The following HYDIN variants were observed in gnomAD, a reference collection of about 807,000 sequenced individuals.
HYDIN encodes the protein HYDIN axonemal central pair apparatus protein, also known as axonemal central pair apparatus protein HYDIN.
HYDIN carries 132 observed loss-of-function variants against 403.9 expected under a neutral mutation model. The observed-to-expected ratio is 0.33, with a 90% CI of 0.28 to 0.38. The LOEUF is 0.38. Ranked by LOEUF, HYDIN falls within the 10% of genes least tolerant of loss-of-function variation. HYDIN has a pLI of 1.00. For synonymous variants in HYDIN, 1,202 were observed against 1,891.7 expected (o/e 0.64, Z 9.46); for missense variants, 2,827 against 5,009.5 (o/e 0.56, Z 13.15).
intron 45 of HYDIN, among the ~76,000 whole-genome samples, chr16:70,922,421 G>A (rs1308850392): frequency 6.6e-6 from 1 of 152,184 alleles, no homozygotes; most frequent in African/African-American, 2.4e-5. Context: ...ATGATTAATG[G>A]ACTTGGGCAA....
chr16:71,136,449 T>A (rs2084920353), intron 8 of HYDIN, among the ~76,000 whole-genome samples: 1 of 151,868 alleles, frequency 6.6e-6, no homozygotes, highest in African/African-American at 2.4e-5. Context: ...AAATAGATTA[T>A]TTTTAGGAAC....
intron 11 of HYDIN, 31 bp downstream of exon 11, chr16:71,093,786 T>C: frequency 6.2e-7 from 1 of 1,605,538 alleles, no homozygotes; most frequent in Non-Finnish European, 8.5e-7. Context: ...AAGTACTGTT[T>C]GAAGTATCAA....
intron 58 of HYDIN, among the ~76,000 whole-genome samples, chr16:70,884,624 T>TA (rs2041016030): frequency 6.6e-6 from 1 of 151,730 alleles, no homozygotes; most frequent in Admixed American, 6.6e-5. Flanking sequence ...GCTGGAGGTT[T>TA]AAATGAAAGA....
intron 7 of HYDIN, among the ~76,000 whole-genome samples, chr16:71,139,292 C>T (rs1409768735): frequency 6.6e-6 from 1 of 152,024 alleles, no homozygotes; most frequent in Non-Finnish European, 1.5e-5. Context: ...GGGAAAGGTA[C>T]TTGCATCCAA....
At chr16:70,965,635 A>G (rs2078550322) in intron 36 of HYDIN, among the ~76,000 whole-genome samples, 1 of 152,218 alleles carries the variant, frequency 6.6e-6, no homozygotes. Context: ...CTACAACCTG[A>G]TTTATTGGTA....
At chr16:70,919,364 C>A (rs1345267624) in intron 46 of HYDIN, among the ~76,000 whole-genome samples, 2 of 151,946 alleles carry the variant, frequency 1.3e-5, no homozygotes, top group Non-Finnish European at 2.9e-5. Context: ...TTAGCTAAGG[C>A]TGGCCTGAGG....
chr16:70,967,932 G>C (rs1056997973), intron 36 of HYDIN, among the ~76,000 whole-genome samples: 1 of 151,490 alleles, frequency 6.6e-6, no homozygotes, highest in Non-Finnish European at 1.5e-5. Context: ...TTATATCCAT[G>C]ATTTTCAAGA....
Position 70,974,743 on chromosome 16 carries a change from G to A in HYDIN, c.4773-73C>T, listed in dbSNP as rs2078839244. ...TACTTTTCCAAAAGTGAGTGAGTCT[G>A]ATTTTTTTTTTCTACCTCCTGTGCA... On this transcript the variant is annotated intron_variant, in intron 31 of 85. Transcript: ENST00000393567. 5 of 629,886 alleles carry A rather than the reference G, an allele frequency of 7.9e-6. No individual in the cohort carries two copies. The Admixed American group carries it at 8.8e-5, about 11-fold the overall frequency. 39.0% of individuals were successfully genotyped at this position (629,886 alleles called of 1,614,324 possible). A position where few individuals can be genotyped will look rare whatever the true frequency, so the allele number is the denominator to read the frequency against.
rs758502148 is a variant in HYDIN, at chr16:70,863,202, C to A, written c.11472-20G>T. Reference sequence around the variant, plus strand: ...TCGAACCTGCAAATCGATCAGGGAGCAGATTTGAGAAATGTGCTGCAGGTG... The same window carrying A: ...TCGAACCTGCAAATCGATCAGGGAGAAGATTTGAGAAATGTGCTGCAGGTG... On this transcript the variant is annotated intron_variant, in intron 67 of 85. Coordinates refer to ENST00000393567, the MANE Select transcript of HYDIN (RefSeq NM_001270974.2). The A allele has an allele frequency of 1.2e-6, 2 of 1,608,756 alleles. No homozygotes were observed. Among genetic ancestry groups the A allele is most frequent in the Non-Finnish European group, 1.7e-6 (2 of 1,177,968 alleles).
chr16:70,932,343 A>G lies in HYDIN; in HGVS notation c.7158+3609T>C, dbSNP rs141208585. 1.0e-2 allele frequency among the ~76,000 whole-genome samples: 1,516 copies of G among 152,314 alleles called. 13 individuals carry two copies. Among genetic ancestry groups the G allele is most frequent in the Non-Finnish European group, 0.016 (1,065 of 68,032 alleles). ...GCATTCCTGCTTAGACGACAGAGCA[A>G]GATTCTGTCTCAAAAAATAAAGAAA... On this transcript the variant is annotated intron_variant, in intron 45 of 85. Transcript: ENST00000393567.
intron 58 of HYDIN, among the ~76,000 whole-genome samples, chr16:70,887,528 T>G (rs2041212561): frequency 6.6e-6 from 1 of 151,950 alleles, no homozygotes. Context: ...ATACAGCCCT[T>G]CCAACACCTT....
intron 1 of HYDIN, among the ~76,000 whole-genome samples, chr16:71,188,891 C>A (rs937425161): frequency 1.3e-5 from 2 of 151,990 alleles, no homozygotes; most frequent in Non-Finnish European, 2.9e-5. Context: ...ACCAGTGGTT[C>A]TATAATCTAG....
chr16:70,893,035 C>G (rs2041568110), intron 55 of HYDIN, among the ~76,000 whole-genome samples: 1 of 152,152 alleles, frequency 6.6e-6, no homozygotes, highest in Non-Finnish European at 1.5e-5. Context: ...GGCAGAGGGA[C>G]TGCCGTAGGC....
At chr16:70,902,662 C>T (rs1177461713) in intron 52 of HYDIN, among the ~76,000 whole-genome samples, 1 of 147,056 alleles carries the variant, frequency 6.8e-6, no homozygotes, top group Non-Finnish European at 1.5e-5. Context: ...TAATTGATGG[C>T]CCCGAAGTCA....
Position 71,060,387 on chromosome 16 carries a change from T to C in HYDIN, c.2529+117A>G, listed in dbSNP as rs2082039836. ...TGGGGATGGGAATGACGTGGTTTAA[T>C]ACAACAACATAACCATGCAAATCTC... On this transcript the variant is annotated intron_variant, in intron 18 of 85. Coordinates refer to ENST00000393567, the MANE Select transcript of HYDIN (RefSeq NM_001270974.2). 24 of 655,138 alleles carry C rather than the reference T, an allele frequency of 3.7e-5. No homozygotes were observed. The Admixed American group carries it at 4.9e-4, about 13-fold the overall frequency. 40.6% of individuals were successfully genotyped at this position (655,138 alleles called of 1,614,324 possible). A position where few individuals can be genotyped will look rare whatever the true frequency, so the allele number is the denominator to read the frequency against.
chr16:70,931,185 T>C (rs1454518081), intron 45 of HYDIN, among the ~76,000 whole-genome samples: 3 of 150,048 alleles, frequency 2.0e-5, no homozygotes, highest in East Asian at 1.9e-4. Flanking sequence ...TTTTTTGAAT[T>C]GGGTTTTCTG....
chr16:70,831,106 G>GTT (rs113420081), intron 80 of HYDIN, among the ~76,000 whole-genome samples: 2,220 of 139,702 alleles, frequency 0.016, 70 homozygotes, highest in African/African-American at 0.056. Flanking sequence ...GCCTAACAGT[G>GTT]TTTTTTTTTT....
intron 44 of HYDIN, among the ~76,000 whole-genome samples, chr16:70,937,124 G>A (rs1023922908): frequency 6.7e-6 from 1 of 149,138 alleles, no homozygotes; most frequent in Non-Finnish European, 1.5e-5. Flanking sequence ...TTACTTCATG[G>A]TGTGTGTGTG....
chr16:71,051,645 C>CAAAAAAAAAAAAAAAAAAAA (rs56676777), intron 18 of HYDIN, among the ~76,000 whole-genome samples: 2 of 120,196 alleles, frequency 1.7e-5, no homozygotes, highest in African/African-American at 3.2e-5. Context: ...GACTCTGTCT[C>CAAAAAAAAAAAAAAAAAAAA]AAAAAAAAAA....
Sources: gnomAD v4.1 joint callset for allele counts (sites outside exome capture counted in the v4.1 genomes callset) on GRCh38, gnomAD v4.1.1 for gene constraint, MANE v1.5 for transcripts, NCBI Gene and HGNC (gene_info 2026-07-23, HGNC 2026-07-21) for gene names.